EYS: variants seen among roughly 807,000 people sequenced by gnomAD.
EYS encodes protein eyes shut homolog.
A neutral mutation model predicts 282.1 loss-of-function variants in EYS; 250 were observed. That is an observed-to-expected ratio of 0.89 (90% CI 0.80 to 0.98). The LOEUF is 0.98. EYS is among the 50% of genes least tolerant of loss of function. The pLI is 0.00. For synonymous variants in EYS, 1,355 were observed against 1,282.9 expected (o/e 1.06, Z -1.20); for missense variants, 4,016 against 3,709.0 (o/e 1.08, Z -2.15).
Position 64,066,439 on chromosome 6 carries a change from T to G in EYS, c.6624A>C (p.Gly2208=), listed in dbSNP as rs1033431714. 1.7e-5 allele frequency: 26 copies of G among 1,549,256 alleles called. No homozygotes were observed. Among genetic ancestry groups the G allele is most frequent in the Non-Finnish European group, 2.3e-5 (26 of 1,145,054 alleles). ...CACACCCATATTTAACTGATGGCCT[T>G]CCTTCCACAAGAAATAAATGAAGAA... ...KQFLHLFLVE[G]RPSVKYGCGN... Residue 2208 remains glycine, a synonymous_variant, in exon 33 of 43, where the codon GGA becomes GGC. Coordinates refer to ENST00000503581, the MANE Select transcript of EYS (RefSeq NM_001142800.2).
intron 12 of EYS, among the ~76,000 whole-genome samples, chr6:65,294,362 T>C (rs1468771854): frequency 6.6e-6 from 1 of 151,840 alleles, no homozygotes; most frequent in Non-Finnish European, 1.5e-5. Flanking sequence ...AAAGACACAA[T>C]AGAAAATACA....
intron 31 of EYS, among the ~76,000 whole-genome samples, chr6:64,173,655 T>G (rs1217486676): frequency 6.6e-6 from 1 of 152,210 alleles, no homozygotes; most frequent in Non-Finnish European, 1.5e-5. Context: ...CTTTTAAGCT[T>G]TTCAGTGTGA....
chr6:63,919,697 C>T (rs1764517030), intron 35 of EYS, among the ~76,000 whole-genome samples: 2 of 152,232 alleles, frequency 1.3e-5, no homozygotes, highest in Admixed American at 6.5e-5. Context: ...AGGAAAGTGG[C>T]GAAGCCACAG....
intron 36 of EYS, among the ~76,000 whole-genome samples, chr6:63,827,423 A>G (rs978425700): frequency 6.6e-6 from 1 of 152,236 alleles, no homozygotes; most frequent in African/African-American, 2.4e-5. Flanking sequence ...AAATGGAATT[A>G]ACAGATATAT....
intron 12 of EYS, among the ~76,000 whole-genome samples, chr6:65,191,321 T>C (rs1168072004): frequency 1.3e-5 from 2 of 151,832 alleles, no homozygotes; most frequent in African/African-American, 4.8e-5. Flanking sequence ...ATAGTGAATA[T>C]GTTAAATATC....
At chr6:64,348,713 AT>A (rs780029206) in intron 29 of EYS, among the ~76,000 whole-genome samples, 25 of 151,466 alleles carry the variant, frequency 1.7e-4, no homozygotes, top group Non-Finnish European at 3.3e-4. Context: ...GTTCCTTTAT[AT>A]TTTAGAAAAT....
intron 12 of EYS, among the ~76,000 whole-genome samples, chr6:65,065,728 A>G (rs1041069728): frequency 6.6e-6 from 1 of 152,188 alleles, no homozygotes; most frequent in African/African-American, 2.4e-5. Context: ...TCAGATTTAT[A>G]GTAATTCTTC....
At chr6:65,076,880 A>T (rs1774070618) in intron 12 of EYS, among the ~76,000 whole-genome samples, 1 of 151,970 alleles carries the variant, frequency 6.6e-6, no homozygotes, top group Admixed American at 6.6e-5. Context: ...TAGTTTCCTC[A>T]CCCAGGTATC....
At chr6:65,346,355 A>G (rs1310018670) in intron 9 of EYS, among the ~76,000 whole-genome samples, 2 of 151,598 alleles carry the variant, frequency 1.3e-5, no homozygotes, top group Non-Finnish European at 2.9e-5. Context: ...ATTAAAACAA[A>G]CAAAACTATA....
rs1015715917 is a variant in EYS at position 65,539,450 on chromosome 6, A to G, written c.-332-43457T>C. Reference sequence around the variant, plus strand: ...GAAAGCTATGATATACAATATAAATATATTGGACCGATTCATTGAGAATGA... The same window carrying G: ...GAAAGCTATGATATACAATATAAATGTATTGGACCGATTCATTGAGAATGA... On this transcript the variant is annotated intron_variant, in intron 2 of 42. Coordinates refer to ENST00000503581, the MANE Select transcript of EYS (RefSeq NM_001142800.2). 2.6e-5 allele frequency among the ~76,000 whole-genome samples: 4 copies of G among 152,288 alleles called. No homozygotes were observed. In the East Asian group the frequency reaches 7.7e-4, roughly 29 times the overall value.
intron 2 of EYS, among the ~76,000 whole-genome samples, chr6:65,624,537 T>C (rs1420422009): frequency 6.6e-6 from 1 of 152,042 alleles, no homozygotes; most frequent in Non-Finnish European, 1.5e-5. Flanking sequence ...TTCCTGGGTG[T>C]GTTTGTGAGG....
rs112737739 is a variant in EYS, at chr6:63,919,402, GA to G, written c.7056-55045del. On this transcript the variant is annotated intron_variant, in intron 35 of 42. Coordinates refer to ENST00000503581, the MANE Select transcript of EYS (RefSeq NM_001142800.2). ...GAAATATTTTGCTTCAGATTTTACT[GA>G]AAAAAAAAAATCCCAACCCACACAT... Among the ~76,000 whole-genome samples, 216 of 105,656 alleles carry G rather than the reference GA, an allele frequency of 2.0e-3. 1 individual carries two copies. The highest frequency in any genetic ancestry group is 2.7e-3 in the Non-Finnish European group (143 of 53,628). 69.3% of individuals were successfully genotyped at this position (105,656 alleles called of 152,430 possible). A position where few individuals can be genotyped will look rare whatever the true frequency, so the allele number is the denominator to read the frequency against.
intron 29 of EYS, among the ~76,000 whole-genome samples, chr6:64,307,318 T>A (rs1197518015): frequency 6.6e-6 from 1 of 152,056 alleles, no homozygotes; most frequent in Non-Finnish European, 1.5e-5. Flanking sequence ...TGGGCAAAAT[T>A]ATAAAGAAAT....
intron 11 of EYS, chr6:65,331,001 G>A: frequency 1.0e-6 from 1 of 984,312 alleles, no homozygotes; most frequent in Non-Finnish European, 1.2e-6. Context: ...GTTGTTGTCA[G>A]AGCTCTCTGT....
chr6:65,210,614 C>T (rs1211154714), intron 12 of EYS, among the ~76,000 whole-genome samples: 1 of 151,648 alleles, frequency 6.6e-6, no homozygotes, highest in Non-Finnish European at 1.5e-5. Context: ...GGGACAGCAG[C>T]GTTGTAAGTA....
chr6:65,300,605 C>T (rs1768792536), intron 11 of EYS, among the ~76,000 whole-genome samples: 1 of 152,074 alleles, frequency 6.6e-6, no homozygotes, highest in African/African-American at 2.4e-5. Flanking sequence ...ATGCTTGGCT[C>T]TCCACTTATA....
intron 33 of EYS, among the ~76,000 whole-genome samples, chr6:64,028,154 G>A (rs916314529): frequency 1.3e-5 from 2 of 152,188 alleles, no homozygotes; most frequent in African/African-American, 4.8e-5. Flanking sequence ...TGGGGAACAA[G>A]TTACCCATTT....
intron 22 of EYS, among the ~76,000 whole-genome samples, chr6:64,655,737 T>C (rs1056435679): frequency 6.6e-6 from 1 of 152,028 alleles, no homozygotes; most frequent in Admixed American, 6.6e-5. Flanking sequence ...AAAGGGCTTA[T>C]TGTCAAATAA....
intron 22 of EYS, among the ~76,000 whole-genome samples, chr6:64,782,509 T>C (rs1436226507): frequency 6.6e-6 from 1 of 152,208 alleles, no homozygotes; most frequent in Non-Finnish European, 1.5e-5. Context: ...TTCCTTTAAA[T>C]AATATTTAAT....
Sources: allele counts gnomAD v4.1 joint callset (sites outside exome capture counted in the v4.1 genomes callset), GRCh38; gene constraint gnomAD v4.1.1; transcripts MANE v1.5; gene names NCBI Gene and HGNC (gene_info 2026-07-23, HGNC 2026-07-21).